Variants in MYBL1 observed in about 807,000 individuals in gnomAD.
The protein encoded by MYBL1 is myb-related protein A.
MYBL1 carries 17 observed loss-of-function variants against 96.3 expected under a neutral mutation model. The ratio of observed to expected loss-of-function variants is 0.18; its 90% CI spans 0.12 to 0.26. MYBL1 has a LOEUF of 0.26. Ranked by LOEUF, MYBL1 falls within the 10% of genes least tolerant of loss-of-function variation. The pLI is 1.00. For synonymous variants in MYBL1, 282 were observed against 292.7 expected (o/e 0.96, Z 0.37); for missense variants, 701 against 882.9 (o/e 0.79, Z 2.61).
At chr8:66,602,572 T>A (rs1253787843) in intron 1 of MYBL1, 49 bp from the exon 2 acceptor site, 1 of 1,369,916 alleles carries the variant, frequency 7.3e-7, no homozygotes, top group Admixed American at 1.9e-5. Flanking sequence ...TTTAAATTTG[T>A]AAATTCAAAC....
chr8:66,575,907 A>G, intron 10 of MYBL1, 100 bp downstream of exon 10: 1 of 1,213,722 alleles, frequency 8.2e-7, no homozygotes. Flanking sequence ...CATTATTTTT[A>G]TATGTTATCA....
At chr8:66,600,455 C>T (rs1440686632) in intron 3 of MYBL1, among the ~76,000 whole-genome samples, 1 of 152,176 alleles carries the variant, frequency 6.6e-6, no homozygotes, top group African/African-American at 2.4e-5. Context: ...CCTGTATGTC[C>T]TTGTAGCATT....
At chr8:66,606,833 C>T (rs1810332198) in intron 1 of MYBL1, among the ~76,000 whole-genome samples, 1 of 151,818 alleles carries the variant, frequency 6.6e-6, no homozygotes, top group Non-Finnish European at 1.5e-5. Context: ...CTCTGTTGCC[C>T]AGGCTGGAGT....
intron 5 of MYBL1, among the ~76,000 whole-genome samples, 173 bp from the exon 6 acceptor site, chr8:66,595,930 T>G (rs1178879336): frequency 6.6e-6 from 1 of 152,112 alleles, no homozygotes; most frequent in Admixed American, 6.5e-5. Flanking sequence ...TTTTAAAAAT[T>G]CAAAAGATAA....
At chr8:66,571,876 C>CAA (rs113777940) in intron 12 of MYBL1, among the ~76,000 whole-genome samples, 55 of 104,182 alleles carry the variant, frequency 5.3e-4, no homozygotes, top group African/African-American at 1.7e-3. Context: ...GACTGCGTCT[C>CAA]AAAAAAAAAA....
chr8:66,569,324 T>A (rs1394962318), intron 12 of MYBL1, among the ~76,000 whole-genome samples: 12 of 151,992 alleles, frequency 7.9e-5, no homozygotes, highest in Admixed American at 5.9e-4. Context: ...CTATGGTGCA[T>A]ACGTACCGCA....
rs1171156318 is a variant in MYBL1 at position 66,611,288 on chromosome 8, A to T, written c.20+1531T>A. Among the ~76,000 whole-genome samples the T allele has an allele frequency of 2.0e-5, 3 of 152,334 alleles. No homozygotes were observed. The East Asian group carries it at 5.8e-4, about 29-fold the overall frequency. On this transcript the variant is annotated intron_variant, in intron 1 of 15. Coordinates refer to ENST00000522677, the MANE Select transcript of MYBL1 (RefSeq NM_001080416.4). The stretch of plus-strand genomic sequence containing the variant: ...AACTTGTTATTGAGTTAACATATTC[A>T]ATTGTCATCTTATTTTTAAATTTTT...
Position 66,612,919 on chromosome 8 carries a change from C to T in MYBL1, c.-81G>A. Reference sequence around the variant, plus strand: ...GCCTCCGGCGAATGCTCCTTCTCCCCGATCCTCTAGCCGCTTCCCTCGCTC... The same window carrying T: ...GCCTCCGGCGAATGCTCCTTCTCCCTGATCCTCTAGCCGCTTCCCTCGCTC... On this transcript the variant is annotated 5_prime_UTR_variant, in exon 1 of 16. Transcript: ENST00000522677. 1 of 1,300,770 alleles carries T rather than the reference C, an allele frequency of 7.7e-7. No homozygotes were observed. The highest frequency in any genetic ancestry group is 9.9e-7 in the Non-Finnish European group (1 of 1,006,312). 80.6% of individuals were successfully genotyped at this position (1,300,770 alleles called of 1,614,324 possible). A position where few individuals can be genotyped will look rare whatever the true frequency, so the allele number is the denominator to read the frequency against.
chr8:66,567,850 T>C (rs946869657), intron 12 of MYBL1, among the ~76,000 whole-genome samples: 3 of 151,550 alleles, frequency 2.0e-5, no homozygotes, highest in Non-Finnish European at 4.4e-5. Flanking sequence ...GATCATGAAG[T>C]CAAGAGATCA....
intron 8 of MYBL1, among the ~76,000 whole-genome samples, chr8:66,585,141 C>T (rs1246147732): frequency 6.6e-6 from 1 of 152,070 alleles, no homozygotes; most frequent in Non-Finnish European, 1.5e-5. Flanking sequence ...CACTAACACG[C>T]TTCCAAATAT....
chr8:66,564,647 A>G lies in MYBL1; in HGVS notation c.*50T>C. On this transcript the variant is annotated 3_prime_UTR_variant, in exon 16 of 16. Coordinates refer to ENST00000522677, the MANE Select transcript of MYBL1 (RefSeq NM_001080416.4). Reference sequence around the variant, plus strand: ...GAAAAATTTCACTGCAACCTAATTTAGTAGAGACTGCAGTAAGGGAGTGGG... The same window carrying G: ...GAAAAATTTCACTGCAACCTAATTTGGTAGAGACTGCAGTAAGGGAGTGGG... 1 of 1,452,650 alleles carries G rather than the reference A, an allele frequency of 6.9e-7. No homozygotes were observed. Among genetic ancestry groups the G allele is most frequent in the Non-Finnish European group, 9.3e-7 (1 of 1,081,000 alleles). 90.0% of individuals were successfully genotyped at this position (1,452,650 alleles called of 1,614,324 possible).
intron 9 of MYBL1, among the ~76,000 whole-genome samples, chr8:66,579,109 T>C (rs1406081741): frequency 2.0e-5 from 3 of 152,028 alleles, no homozygotes; most frequent in East Asian, 3.9e-4. Flanking sequence ...AGGGATAGCA[T>C]TAGGAGATAT....
chr8:66,590,552 C>A (rs1445983630), intron 8 of MYBL1, among the ~76,000 whole-genome samples: 7 of 150,746 alleles, frequency 4.6e-5, no homozygotes, highest in African/African-American at 1.7e-4. Context: ...AACCCAGGAG[C>A]CTTCTGGGTA....
chr8:66,601,900 T>G (rs553659336), intron 2 of MYBL1, 131 bp from the exon 3 acceptor site: 4 of 451,726 alleles, frequency 8.9e-6, no homozygotes, highest in Non-Finnish European at 1.6e-5. Flanking sequence ...CCCACTATAA[T>G]ACAAATTCTT....
chr8:66,585,505 C>T (rs1056667291), intron 8 of MYBL1, among the ~76,000 whole-genome samples: 1 of 152,142 alleles, frequency 6.6e-6, no homozygotes, highest in Non-Finnish European at 1.5e-5. Context: ...CTTTGGGAGG[C>T]CGAGGCAGGC....
intron 12 of MYBL1, among the ~76,000 whole-genome samples, chr8:66,568,151 G>A (rs1472488676): frequency 6.6e-6 from 1 of 151,342 alleles, no homozygotes; most frequent in African/African-American, 2.4e-5. Context: ...ATATATAAAT[G>A]AGATTTCACA....
At chr8:66,602,154 A>C (rs1457815770) in intron 2 of MYBL1, among the ~76,000 whole-genome samples, 1 of 151,822 alleles carries the variant, frequency 6.6e-6, no homozygotes, top group Non-Finnish European at 1.5e-5. Context: ...GGTTCAAGTG[A>C]TCCTCCTGCC....
rs2129657583 is a variant in MYBL1, at chr8:66,563,281, GGAGA to G, written c.*1412_*1415del. On this transcript the variant is annotated 3_prime_UTR_variant, in exon 16 of 16. Transcript: ENST00000522677. ...AGCAGCATACTTCAGGAGTGGAGAG[GGAGA>G]GAGTGTGTCAATTATAAATAATTCA... The G allele has an allele frequency of 6.6e-6, 1 of 152,514 alleles. No individual in the cohort carries two copies. Among genetic ancestry groups the G allele is most frequent in the East Asian group, 1.9e-4 (1 of 5,176 alleles). 9.4% of individuals were successfully genotyped at this position (152,514 alleles called of 1,614,324 possible). A position where few individuals can be genotyped will look rare whatever the true frequency, so the allele number is the denominator to read the frequency against.
chr8:66,599,156 G>T lies in MYBL1; in HGVS notation c.199-14C>A. The stretch of plus-strand genomic sequence containing the variant: ...ATCAGAGCGATTCTGAAAAAATTTA[G>T]AAGATTTTGTTATTAAACAACTGTC... On this transcript the variant is annotated splice_polypyrimidine_tract_variant and intron_variant, in intron 3 of 15. Coordinates refer to ENST00000522677, the MANE Select transcript of MYBL1 (RefSeq NM_001080416.4). 1 of 1,547,470 alleles carries T rather than the reference G, an allele frequency of 6.5e-7. No individual in the cohort carries two copies. The highest frequency in any genetic ancestry group is 8.7e-7 in the Non-Finnish European group (1 of 1,150,302).
Sources: gnomAD v4.1 joint callset for allele counts (sites outside exome capture counted in the v4.1 genomes callset) on GRCh38, gnomAD v4.1.1 for gene constraint, MANE v1.5 for transcripts, NCBI Gene and HGNC (gene_info 2026-07-23, HGNC 2026-07-21) for gene names.